Variants in BMPER observed in about 807,000 individuals in gnomAD.
The protein encoded by BMPER is BMP binding endothelial regulator.
A neutral mutation model predicts 87.3 loss-of-function variants in BMPER; 45 were observed. The observed-to-expected ratio is 0.52, with a 90% CI of 0.41 to 0.66. BMPER has a LOEUF of 0.66. Ranked by LOEUF, BMPER falls within the 30% of genes least tolerant of loss-of-function variation. BMPER has a pLI of 0.00. For synonymous variants in BMPER, 326 were observed against 316.2 expected (o/e 1.03, Z -0.33); for missense variants, 784 against 867.5 (o/e 0.90, Z 1.21).
chr7:34,059,887 C>T (rs1012300138), intron 10 of BMPER, among the ~76,000 whole-genome samples: 13 of 151,994 alleles, frequency 8.6e-5, no homozygotes, highest in African/African-American at 3.1e-4. Flanking sequence ...TCAATCCTGC[C>T]TCTCCTCCCC....
intron 2 of BMPER, chr7:33,922,093 G>T (rs1784246911): frequency 3.3e-6 from 1 of 306,128 alleles, no homozygotes; most frequent in South Asian, 2.7e-5. Flanking sequence ...CCCTGCTGAG[G>T]GAGAGTGTAA....
At chr7:33,982,652 G>T (rs1377265968) in intron 6 of BMPER, among the ~76,000 whole-genome samples, 1 of 152,170 alleles carries the variant, frequency 6.6e-6, no homozygotes, top group Non-Finnish European at 1.5e-5. Flanking sequence ...GAAAGAATCC[G>T]AATAGTTGTG....
At chr7:33,912,647 T>A (rs1211911575) in intron 2 of BMPER, among the ~76,000 whole-genome samples, 1 of 152,208 alleles carries the variant, frequency 6.6e-6, no homozygotes, top group African/African-American at 2.4e-5. Context: ...TATCAGTTTT[T>A]CACACCCTCT....
chr7:34,036,226 T>C (rs769075174), intron 6 of BMPER, among the ~76,000 whole-genome samples: 1 of 152,184 alleles, frequency 6.6e-6, no homozygotes, highest in Admixed American at 6.5e-5. Flanking sequence ...ACTTCCGTGA[T>C]GATGAAAGTT....
In BMPER at chr7:34,110,080, A is replaced by C. The variant is rs1260083591; in HGVS notation, c.1745+23988A>C. ...CTCCTGATGAGATTTTGAAGCAGCG[A>C]CCTGAATTTGAACTGTGTGTCAAGG... is the stretch of plus-strand genomic sequence containing the variant. On this transcript the variant is annotated intron_variant, in intron 13 of 14. Transcript: ENST00000649409. Among the ~76,000 whole-genome samples, 6 of 152,174 alleles carry C rather than the reference A, an allele frequency of 3.9e-5. No individual in the cohort carries two copies. The East Asian group carries it at 1.2e-3, about 29-fold the overall frequency.
In BMPER at chr7:34,003,584, C is replaced by T. The variant is rs184795559; in HGVS notation, c.576+28800C>T. Among the ~76,000 whole-genome samples the T allele has an allele frequency of 1.6e-3, 247 of 151,970 alleles. 1 individual carries two copies. The highest frequency in any genetic ancestry group is 5.4e-3 in the African/African-American group (226 of 41,508). On this transcript the variant is annotated intron_variant, in intron 6 of 14. Coordinates refer to ENST00000649409, the MANE Select transcript of BMPER (RefSeq NM_001365308.1). ...CCGCTTATTTCAGCCTAGAGGAGTC[C>T]GTTTAGTATTTTTATGTAGGGCATA...
At chr7:34,064,740 A>C (rs1172742087) in intron 11 of BMPER, among the ~76,000 whole-genome samples, 1 of 152,158 alleles carries the variant, frequency 6.6e-6, no homozygotes, top group African/African-American at 2.4e-5. Context: ...TCAGATGGCT[A>C]TTTCTCAATT....
At chr7:34,041,721 C>T (rs114776543) in intron 6 of BMPER, among the ~76,000 whole-genome samples, 1 of 152,164 alleles carries the variant, frequency 6.6e-6, no homozygotes, top group Non-Finnish European at 1.5e-5. Context: ...CTCCCCTACA[C>T]TGCCCCCTCC....
intron 6 of BMPER, among the ~76,000 whole-genome samples, chr7:34,027,716 C>T (rs893792856): frequency 4.6e-5 from 7 of 151,940 alleles, no homozygotes; most frequent in African/African-American, 1.7e-4. Context: ...CATGTCATTT[C>T]AAGGAAAACA....
At chr7:34,000,214 C>G (rs375240835) in intron 6 of BMPER, among the ~76,000 whole-genome samples, 7 of 152,142 alleles carry the variant, frequency 4.6e-5, no homozygotes, top group South Asian at 2.1e-4. Flanking sequence ...TCCCAAGTCT[C>G]TAGTGTCCTT....
intron 3 of BMPER, among the ~76,000 whole-genome samples, chr7:33,940,819 A>G (rs1455177617): frequency 5.5e-5 from 8 of 144,612 alleles, no homozygotes; most frequent in Non-Finnish European, 9.0e-5. Flanking sequence ...GGGTCAAAGA[A>G]TTTATATATA....
chr7:34,133,401 C>G (rs1162861069), intron 13 of BMPER, among the ~76,000 whole-genome samples: 1 of 150,630 alleles, frequency 6.6e-6, no homozygotes, highest in African/African-American at 2.5e-5. Context: ...GGTGGTGTGC[C>G]TGGGTTCTGG....
At chr7:34,091,372 G>T (rs1015354295) in intron 13 of BMPER, among the ~76,000 whole-genome samples, 1 of 152,130 alleles carries the variant, frequency 6.6e-6, no homozygotes, top group Admixed American at 6.5e-5. Flanking sequence ...GTAATGACTT[G>T]TCAAGAACTG....
chr7:33,942,172 A>G (rs542731888), intron 3 of BMPER, among the ~76,000 whole-genome samples: 1 of 152,130 alleles, frequency 6.6e-6, no homozygotes, highest in African/African-American at 2.4e-5. Flanking sequence ...TCTTCCTTTT[A>G]CCTGAGGGAA....
At chr7:34,045,681 G>A (rs1473478665) in intron 6 of BMPER, among the ~76,000 whole-genome samples, 1 of 152,182 alleles carries the variant, frequency 6.6e-6, no homozygotes, top group African/African-American at 2.4e-5. Context: ...TAGTTCTTCT[G>A]AATATGGGCT....
At chr7:33,928,945 T>G (rs73693057) in intron 2 of BMPER, among the ~76,000 whole-genome samples, 3,146 of 152,288 alleles carry the variant, frequency 0.021, 110 homozygotes, top group African/African-American at 0.072. Context: ...TCAGGGGGTC[T>G]TACTTCTTTC....
chr7:34,141,117 A>C (rs1234578427), intron 13 of BMPER, among the ~76,000 whole-genome samples: 1 of 152,220 alleles, frequency 6.6e-6, no homozygotes, highest in East Asian at 1.9e-4. Context: ...GAAAGTTGAA[A>C]CAACAAAGGG....
intron 3 of BMPER, among the ~76,000 whole-genome samples, chr7:33,963,655 G>C (rs373213258): frequency 6.6e-6 from 1 of 152,044 alleles, no homozygotes; most frequent in African/African-American, 2.4e-5. Flanking sequence ...TTAGCCGGGC[G>C]TGGTGGCAGG....
chr7:34,038,450 C>T (rs897912973), intron 6 of BMPER, among the ~76,000 whole-genome samples: 1 of 152,148 alleles, frequency 6.6e-6, no homozygotes, highest in Non-Finnish European at 1.5e-5. Flanking sequence ...ATTTTAGCCC[C>T]ATGAAACTGA....
Sources: gnomAD v4.1 joint callset for allele counts (sites outside exome capture counted in the v4.1 genomes callset) on GRCh38, gnomAD v4.1.1 for gene constraint, MANE v1.5 for transcripts, NCBI Gene and HGNC (gene_info 2026-07-23, HGNC 2026-07-21) for gene names.